The following ASIC2 variants were observed in gnomAD, a reference collection of about 807,000 sequenced individuals.
ASIC2 encodes the protein acid sensing ion channel subunit 2, also known as acid-sensing ion channel 2.
Under a neutral mutation model 57.3 loss-of-function variants are expected in ASIC2, and 25 were observed. That is an observed-to-expected ratio of 0.44 (90% CI 0.32 to 0.61). ASIC2 has a LOEUF of 0.61. ASIC2 is among the 20% of genes least tolerant of loss of function. The probability of loss-of-function intolerance (pLI) is 0.06; values close to 1 mark genes in which losing one functional copy is unlikely to be tolerated. For missense variants in ASIC2, 641 were observed against 738.1 expected, an observed-to-expected ratio of 0.87 and a Z score of 1.52; for synonymous variants, 319 against 307.5, an observed-to-expected ratio of 1.04 and a Z score of -0.39.
chr17:33,284,013 G>A (rs147820740), intron 1 of ASIC2, among the ~76,000 whole-genome samples: 26 of 152,254 alleles, frequency 1.7e-4, no homozygotes, highest in Middle Eastern at 6.8e-3. Flanking sequence ...AAAAGAATAC[G>A]TTTTTGTCTG....
At chr17:33,809,641 G>A (rs1381171345) in intron 1 of ASIC2, among the ~76,000 whole-genome samples, 1 of 152,182 alleles carries the variant, frequency 6.6e-6, no homozygotes, top group Non-Finnish European at 1.5e-5. Context: ...CCCAAATACT[G>A]AGGACTGACA....
intron 1 of ASIC2, among the ~76,000 whole-genome samples, chr17:33,260,210 A>T (rs1361018095): frequency 6.6e-6 from 1 of 152,224 alleles, no homozygotes; most frequent in Non-Finnish European, 1.5e-5. Context: ...CTGTGGATAA[A>T]GCCTGGCCTC....
intron 1 of ASIC2, chr17:34,037,976 G>T: frequency 1.2e-6 from 2 of 1,613,624 alleles, no homozygotes; most frequent in Non-Finnish European, 1.7e-6. Context: ...GATCTTTGGT[G>T]GTTCTTTCCC....
At chr17:33,173,347 C>T (rs887220813) in intron 1 of ASIC2, among the ~76,000 whole-genome samples, 1 of 152,148 alleles carries the variant, frequency 6.6e-6, no homozygotes, top group African/African-American at 2.4e-5. Flanking sequence ...CTTGAGGCAG[C>T]AGAAAACATG....
At chr17:34,143,123 C>T (rs1381886079) in intron 1 of ASIC2, 1 of 152,148 alleles carries the variant, frequency 6.6e-6, no homozygotes, top group African/African-American at 2.4e-5. Flanking sequence ...AGTGACTGGC[C>T]TGATTTCATT....
intron 1 of ASIC2, among the ~76,000 whole-genome samples, chr17:33,899,034 C>G (rs1042844466): frequency 4.7e-5 from 7 of 149,290 alleles, no homozygotes; most frequent in Admixed American, 1.3e-4. Flanking sequence ...TTTGAAGAAA[C>G]AAAAATCTGA....
At chr17:33,392,236 T>C (rs1045482954) in intron 1 of ASIC2, among the ~76,000 whole-genome samples, 3 of 133,204 alleles carry the variant, frequency 2.3e-5, no homozygotes, top group Admixed American at 7.9e-5. Flanking sequence ...CCTTCCTTCC[T>C]TCCTTTTCTT....
intron 1 of ASIC2, chr17:34,072,097 G>C (rs1376088723): frequency 6.6e-6 from 1 of 152,368 alleles, no homozygotes; most frequent in African/African-American, 2.4e-5. Flanking sequence ...TGTGCTGAAA[G>C]GAAGCTAGGG....
intron 1 of ASIC2, among the ~76,000 whole-genome samples, chr17:33,402,307 C>T (rs554380906): frequency 1.3e-5 from 2 of 152,010 alleles, no homozygotes; most frequent in African/African-American, 2.4e-5. Flanking sequence ...TTTTAAGTTC[C>T]AAGGTGCCTG....
At chr17:33,281,715 T>C (rs1389561121) in intron 1 of ASIC2, among the ~76,000 whole-genome samples, 1 of 152,186 alleles carries the variant, frequency 6.6e-6, no homozygotes, top group African/African-American at 2.4e-5. Flanking sequence ...AGGCAGGGTG[T>C]GTCTTAGGAA....
intron 1 of ASIC2, among the ~76,000 whole-genome samples, chr17:33,632,559 T>C (rs1258580422): frequency 6.6e-6 from 1 of 152,146 alleles, no homozygotes; most frequent in African/African-American, 2.4e-5. Flanking sequence ...CTTTTCCCAG[T>C]AAACTATGGA....
intron 1 of ASIC2, among the ~76,000 whole-genome samples, chr17:33,133,859 C>A (rs1440789534): frequency 6.6e-6 from 1 of 152,158 alleles, no homozygotes; most frequent in Non-Finnish European, 1.5e-5. Flanking sequence ...GACATCAATG[C>A]AAGGACTTTG....
intron 1 of ASIC2, among the ~76,000 whole-genome samples, chr17:33,601,683 G>A (rs1905118206): frequency 6.6e-6 from 1 of 152,190 alleles, no homozygotes; most frequent in Admixed American, 6.5e-5. Flanking sequence ...TCATGGGCAT[G>A]GGGTACCCAG....
intron 1 of ASIC2, among the ~76,000 whole-genome samples, chr17:33,258,130 C>T (rs746907169): frequency 5.9e-5 from 9 of 152,206 alleles, no homozygotes; most frequent in Non-Finnish European, 1.2e-4. Flanking sequence ...CATTCACGTG[C>T]ATTCATTAAT....
intron 1 of ASIC2, among the ~76,000 whole-genome samples, chr17:33,483,899 G>A (rs1481387461): frequency 6.6e-6 from 1 of 152,180 alleles, no homozygotes; most frequent in Non-Finnish European, 1.5e-5. Flanking sequence ...ATTAGCCTAG[G>A]TTATCCAGGT....
At chr17:34,012,707 G>C (rs187801109) in intron 1 of ASIC2, among the ~76,000 whole-genome samples, 32 of 143,260 alleles carry the variant, frequency 2.2e-4, no homozygotes, top group Non-Finnish European at 4.0e-4. Flanking sequence ...ACTCCTTATG[G>C]ACAGAGAATG....
intron 1 of ASIC2, among the ~76,000 whole-genome samples, chr17:33,408,940 G>A (rs1597718005): frequency 6.6e-6 from 1 of 152,252 alleles, no homozygotes; most frequent in East Asian, 1.9e-4. Context: ...CTGGCTGGGC[G>A]TGATGGCCCA....
intron 1 of ASIC2, among the ~76,000 whole-genome samples, chr17:34,035,049 C>A (rs1006699549): frequency 1.3e-5 from 2 of 150,580 alleles, no homozygotes; most frequent in Non-Finnish European, 2.9e-5. Context: ...GAGCCTGCAT[C>A]GCCAAGTCAA....
At chr17:34,104,707 T>C (rs1910982443) in intron 1 of ASIC2, among the ~76,000 whole-genome samples, 1 of 152,120 alleles carries the variant, frequency 6.6e-6, no homozygotes, top group South Asian at 2.1e-4. Flanking sequence ...CTTTTCTCCA[T>C]CTATTAAGAT....
Sources: allele counts gnomAD v4.1 joint callset (sites outside exome capture counted in the v4.1 genomes callset), GRCh38; gene constraint gnomAD v4.1.1; transcripts MANE v1.5; gene names NCBI Gene and HGNC (gene_info 2026-07-23, HGNC 2026-07-21).